The following DPP10 variants were observed in gnomAD, a reference collection of about 807,000 sequenced individuals.
The protein encoded by DPP10 is inactive dipeptidyl peptidase 10.
A neutral mutation model predicts 120.9 loss-of-function variants in DPP10; 33 were observed. The observed-to-expected ratio is 0.27, with a 90% CI of 0.21 to 0.37. The LOEUF is 0.37. Ranked by LOEUF, DPP10 falls within the 10% of genes least tolerant of loss-of-function variation. The probability of loss-of-function intolerance (pLI) is 1.00; values close to 1 mark genes in which losing one functional copy is unlikely to be tolerated. For synonymous variants in DPP10, 337 were observed against 326.1 expected, an observed-to-expected ratio of 1.03 and a Z score of -0.36; for missense variants, 816 against 942.8, an observed-to-expected ratio of 0.87 and a Z score of 1.76.
intron 1 of DPP10, among the ~76,000 whole-genome samples, chr2:114,724,520 A>G (rs1701914456): frequency 6.6e-6 from 1 of 152,234 alleles, no homozygotes; most frequent in African/African-American, 2.4e-5. Context: ...ATTACACAAT[A>G]GACTCATACA....
intron 1 of DPP10, among the ~76,000 whole-genome samples, chr2:114,997,715 G>C (rs1701187334): frequency 6.6e-6 from 1 of 152,156 alleles, no homozygotes; most frequent in Non-Finnish European, 1.5e-5. Flanking sequence ...TTATTGAAAA[G>C]AAGGCTTCTG....
intron 1 of DPP10, among the ~76,000 whole-genome samples, chr2:115,114,086 T>G (rs1233759857): frequency 6.6e-6 from 1 of 152,198 alleles, no homozygotes; most frequent in East Asian, 1.9e-4. Flanking sequence ...GGACTAATTC[T>G]GCCCACCACC....
At chr2:115,316,844 A>G (rs1379316847) in intron 2 of DPP10, among the ~76,000 whole-genome samples, 2 of 152,168 alleles carry the variant, frequency 1.3e-5, no homozygotes, top group African/African-American at 4.8e-5. Flanking sequence ...TTGGTGGCTC[A>G]TGCCTGTAAT....
chr2:114,986,903 T>G (rs1700431771), intron 1 of DPP10, among the ~76,000 whole-genome samples: 1 of 152,064 alleles, frequency 6.6e-6, no homozygotes, highest in Non-Finnish European at 1.5e-5. Flanking sequence ...CCCAAGTAGC[T>G]GGGGATTACA....
At chr2:115,299,075 G>A (rs2105965786) in intron 1 of DPP10, among the ~76,000 whole-genome samples, 1 of 152,100 alleles carries the variant, frequency 6.6e-6, no homozygotes, top group Non-Finnish European at 1.5e-5. Context: ...ATTGGGAGAA[G>A]ATTGTCTGTC....
chr2:115,264,456 A>G (rs750098897), intron 1 of DPP10, among the ~76,000 whole-genome samples: 113 of 152,206 alleles, frequency 7.4e-4, no homozygotes, highest in Non-Finnish European at 1.5e-3. Flanking sequence ...GTGCATCTAC[A>G]TCCTGGTTGG....
chr2:114,922,334 A>T (rs1695257672), intron 1 of DPP10, among the ~76,000 whole-genome samples: 1 of 152,150 alleles, frequency 6.6e-6, no homozygotes, highest in African/African-American at 2.4e-5. Context: ...CTTATTTTTG[A>T]GACAGTTTCA....
intron 3 of DPP10, among the ~76,000 whole-genome samples, chr2:115,496,429 T>C (rs567879498): frequency 1.2e-4 from 19 of 152,218 alleles, no homozygotes; most frequent in African/African-American, 4.3e-4. Context: ...AAATTGACTT[T>C]AAATAAACTG....
At chr2:114,784,936 T>C (rs1248382896) in intron 1 of DPP10, among the ~76,000 whole-genome samples, 1 of 152,234 alleles carries the variant, frequency 6.6e-6, no homozygotes, top group Non-Finnish European at 1.5e-5. Flanking sequence ...CTGAGAGGCC[T>C]GCAATTCTTA....
In DPP10 at chr2:115,238,407, G is replaced by A. The variant is rs1355577412; in HGVS notation, c.61-70832G>A. ...GTTACCCAAGAGCTCTGATGGAGAGGTGCAAGGAGAATAATGTTTTCAGGC... is the reference window on the plus strand; with the variant it reads ...GTTACCCAAGAGCTCTGATGGAGAGATGCAAGGAGAATAATGTTTTCAGGC... On this transcript the variant is annotated intron_variant, in intron 1 of 25. Transcript: ENST00000410059. Among the ~76,000 whole-genome samples the A allele has an allele frequency of 5.3e-5, 8 of 152,188 alleles. No individual in the cohort carries two copies. In the South Asian group the frequency reaches 1.2e-3, roughly 24 times the overall value.
At chr2:114,956,506 T>A (rs191122369) in intron 1 of DPP10, among the ~76,000 whole-genome samples, 1,770 of 150,404 alleles carry the variant, frequency 0.012, 44 homozygotes, top group African/African-American at 0.039. Context: ...TTATATATTT[T>A]AAATATCCAT....
At chr2:115,327,271 G>A (rs1291664174) in intron 2 of DPP10, among the ~76,000 whole-genome samples, 2 of 151,886 alleles carry the variant, frequency 1.3e-5, no homozygotes, top group Non-Finnish European at 2.9e-5. Flanking sequence ...TACATTCTAC[G>A]ATGTCTGCAC....
chr2:115,221,754 G>GTTTTTTTTTTT (rs56077672), intron 1 of DPP10, among the ~76,000 whole-genome samples: 121 of 120,120 alleles, frequency 1.0e-3, no homozygotes, highest in African/African-American at 1.6e-3. Flanking sequence ...GTTTGTTTCT[G>GTTTTTTTTTTT]TTTTTTTTTT....
At chr2:115,570,805 G>A (rs1378911500) in intron 5 of DPP10, among the ~76,000 whole-genome samples, 1 of 152,206 alleles carries the variant, frequency 6.6e-6, no homozygotes, top group Admixed American at 6.5e-5. Flanking sequence ...CAATTTGAAT[G>A]AACAAATAAT....
At chr2:115,806,555 C>T (rs550496255) in intron 19 of DPP10, among the ~76,000 whole-genome samples, 1 of 152,102 alleles carries the variant, frequency 6.6e-6, no homozygotes, top group Non-Finnish European at 1.5e-5. Context: ...ATTGTATCAC[C>T]ACCATACATT....
chr2:114,718,464 A>T (rs1701498876), intron 1 of DPP10, among the ~76,000 whole-genome samples: 1 of 150,998 alleles, frequency 6.6e-6, no homozygotes, highest in African/African-American at 2.4e-5. Context: ...TTCAGTCCCT[A>T]GTAGTCACAT....
chr2:114,532,340 CTA>C (rs1157020714), intron 1 of DPP10, among the ~76,000 whole-genome samples: 1 of 145,144 alleles, frequency 6.9e-6, no homozygotes, highest in Non-Finnish European at 1.5e-5. Flanking sequence ...ATATATCTCT[CTA>C]TATATATGTA....
chr2:115,628,273 T>A (rs974868644), intron 5 of DPP10, among the ~76,000 whole-genome samples: 14 of 152,354 alleles, frequency 9.2e-5, no homozygotes, highest in Middle Eastern at 3.4e-3. Flanking sequence ...TGATCAGTGA[T>A]GTTGAGCTTT....
At chr2:115,131,941 T>G (rs892973523) in intron 1 of DPP10, 3 of 148,952 alleles carry the variant, frequency 2.0e-5, no homozygotes, top group East Asian at 4.0e-4. Context: ...AAAAAAAAAA[T>G]ACAAAAATTA....
Sources: allele counts gnomAD v4.1 joint callset (sites outside exome capture counted in the v4.1 genomes callset), GRCh38; gene constraint gnomAD v4.1.1; transcripts MANE v1.5; gene names NCBI Gene and HGNC (gene_info 2026-07-23, HGNC 2026-07-21).